ZNF385D: variants seen among roughly 807,000 people sequenced by gnomAD.
ZNF385D encodes zinc finger protein 385D.
ZNF385D carries 15 observed loss-of-function variants against 35.8 expected under a neutral mutation model. The ratio of observed to expected loss-of-function variants is 0.42; its 90% confidence interval spans 0.28 to 0.64. ZNF385D has a LOEUF of 0.64. Ranked by LOEUF, ZNF385D falls within the 30% of genes least tolerant of loss-of-function variation. ZNF385D has a pLI of 0.23. For missense variants in ZNF385D, 474 were observed against 494.6 expected, an observed-to-expected ratio of 0.96 and a Z score of 0.39; for synonymous variants, 212 against 186.8, an observed-to-expected ratio of 1.13 and a Z score of -1.10.
chr3:21,708,526 C>A (rs997750090), intron 1 of ZNF385D, among the ~76,000 whole-genome samples: 2 of 152,110 alleles, frequency 1.3e-5, no homozygotes, highest in African/African-American at 2.4e-5. Flanking sequence ...TTCTCCTGAC[C>A]CATGGACATT....
intron 3 of ZNF385D, among the ~76,000 whole-genome samples, chr3:21,983,167 A>AT (rs370511511): frequency 0.2 from 21,524 of 105,924 alleles, 1,730 homozygotes; most frequent in African/African-American, 0.29. Flanking sequence ...TTATTTTATT[A>AT]TTTTTTTTTA....
intron 3 of ZNF385D, among the ~76,000 whole-genome samples, chr3:22,015,634 T>A (rs988228621): frequency 2.6e-5 from 4 of 152,126 alleles, no homozygotes; most frequent in Non-Finnish European, 5.9e-5. Flanking sequence ...AACACAAACA[T>A]CATCATTTCT....
intron 2 of ZNF385D, among the ~76,000 whole-genome samples, chr3:21,649,384 C>G (rs567455642): frequency 6.6e-5 from 10 of 152,148 alleles, no homozygotes; most frequent in East Asian, 5.8e-4. Context: ...GGGGAGTCAT[C>G]ATAGATTGAT....
intron 3 of ZNF385D, among the ~76,000 whole-genome samples, chr3:22,063,963 G>C (rs929595328): frequency 6.6e-6 from 1 of 152,162 alleles, no homozygotes; most frequent in African/African-American, 2.4e-5. Flanking sequence ...TATTAATCCT[G>C]AGAGCATGCC....
chr3:22,300,259 A>T (rs1421153659), intron 2 of ZNF385D, among the ~76,000 whole-genome samples: 1 of 152,020 alleles, frequency 6.6e-6, no homozygotes, highest in Non-Finnish European at 1.5e-5. Flanking sequence ...TGCATGCAGA[A>T]TGAAATTGGG....
In ZNF385D at chr3:22,291,502, T is replaced by C. The variant is rs1267462461; in HGVS notation, c.106+80948A>G. On this transcript the variant is annotated intron_variant, in intron 2 of 5. Transcript: ENST00000494108. Reference sequence around the variant, plus strand: ...ATATACAAATATAATAGCTTTCCTATATATCTTTTATAATTAAGCATCTTA... The same window carrying C: ...ATATACAAATATAATAGCTTTCCTACATATCTTTTATAATTAAGCATCTTA... Among the ~76,000 whole-genome samples the C allele has an allele frequency of 2.6e-5, 4 of 152,048 alleles. No homozygotes were observed. In the East Asian group the frequency reaches 7.7e-4, roughly 29 times the overall value.
At chr3:21,868,848 T>C (rs1697528005) in intron 3 of ZNF385D, among the ~76,000 whole-genome samples, 1 of 152,132 alleles carries the variant, frequency 6.6e-6, no homozygotes, top group Non-Finnish European at 1.5e-5. Flanking sequence ...TATTGCATTG[T>C]GGACATGTTA....
intron 2 of ZNF385D, among the ~76,000 whole-genome samples, chr3:21,592,975 A>T (rs144241672): frequency 2.3e-4 from 35 of 152,304 alleles, no homozygotes; most frequent in Admixed American, 6.5e-4. Flanking sequence ...CTGCACAGCA[A>T]GCTTCTGACC....
At position 22,236,474 on chromosome 3, in the gene ZNF385D, G is replaced by A. The variant is rs146524871; in HGVS notation, c.107-67439C>T. ...AGCCTCCCAAGTCATCGAGATTACA[G>A]GCATAAGTTACCACATGCATGAATT... On this transcript the variant is annotated intron_variant, in intron 2 of 5. Coordinates refer to the ZNF385D transcript ENST00000494108. 2.6e-3 allele frequency among the ~76,000 whole-genome samples: 397 copies of A among 152,200 alleles called. 1 individual carries two copies. The highest frequency in any genetic ancestry group is 9.3e-3 in the African/African-American group (388 of 41,538).
chr3:22,237,670 G>C (rs1238983008), intron 2 of ZNF385D, among the ~76,000 whole-genome samples: 1 of 151,984 alleles, frequency 6.6e-6, no homozygotes, highest in Non-Finnish European at 1.5e-5. Flanking sequence ...TTGAGATGGG[G>C]TCTCGCTCTG....
chr3:22,173,711 A>T (rs1432549118), intron 2 of ZNF385D, among the ~76,000 whole-genome samples: 1 of 152,084 alleles, frequency 6.6e-6, no homozygotes, highest in Admixed American at 6.6e-5. Context: ...CTTTATCTCA[A>T]ATTTGCCTGA....
chr3:22,315,127 C>T (rs1424798257), intron 2 of ZNF385D, among the ~76,000 whole-genome samples: 2 of 151,972 alleles, frequency 1.3e-5, no homozygotes, highest in Non-Finnish European at 2.9e-5. Flanking sequence ...GGGGTACAGC[C>T]AGAGACAAAG....
chr3:22,368,643 C>T (rs539380165), intron 2 of ZNF385D, among the ~76,000 whole-genome samples: 1 of 152,284 alleles, frequency 6.6e-6, no homozygotes, highest in Non-Finnish European at 1.5e-5. Context: ...CTTCTTGCTG[C>T]ATCTTCACAT....
At position 21,420,687 on chromosome 3, in the gene ZNF385D, A is replaced by G. The variant is rs1248703213; in HGVS notation, c.*527T>C. 7 of 153,388 alleles carry G rather than the reference A, an allele frequency of 4.6e-5. No individual in the cohort carries two copies. The highest frequency in any genetic ancestry group is 1.7e-4 in the African/African-American group (7 of 41,460). The allele number at this position is 153,388 out of a possible 1,614,324, so 9.5% of individuals were successfully genotyped here. A position where few individuals can be genotyped will look rare whatever the true frequency, so the allele number is the denominator to read the frequency against. ...TATTGTTTTACAAGACATCTACTGT[A>G]TCTACTTTTGTTGGGATAAATACCC... is the stretch of plus-strand genomic sequence containing the variant. On this transcript the variant is annotated 3_prime_UTR_variant, in exon 8 of 8. Transcript: ENST00000281523.
intron 4 of ZNF385D, among the ~76,000 whole-genome samples, chr3:21,484,377 T>G (rs547292544): frequency 1.5e-4 from 23 of 152,270 alleles, no homozygotes; most frequent in African/African-American, 5.3e-4. Flanking sequence ...CTGTGGGCAT[T>G]TCTGGACACC....
At chr3:22,105,450 G>A (rs561649105) in intron 3 of ZNF385D, among the ~76,000 whole-genome samples, 1 of 152,022 alleles carries the variant, frequency 6.6e-6, no homozygotes, top group African/African-American at 2.4e-5. Flanking sequence ...TATACAGAGA[G>A]AGAAAGAGAG....
At chr3:21,846,980 A>T (rs1352125) in intron 3 of ZNF385D, among the ~76,000 whole-genome samples, 10,686 of 152,116 alleles carry the variant, frequency 0.07, 547 homozygotes, top group East Asian at 0.21. Context: ...AACTAGTCAG[A>T]GGTAAAGTAA....
chr3:22,132,673 T>A (rs1055045829), intron 3 of ZNF385D, among the ~76,000 whole-genome samples: 2 of 152,044 alleles, frequency 1.3e-5, no homozygotes, highest in East Asian at 3.9e-4. Flanking sequence ...GTAATAACAA[T>A]TAATGGTCTT....
At position 22,240,089 on chromosome 3, in the gene ZNF385D, G is replaced by A. The variant is rs549510875; in HGVS notation, c.107-71054C>T. On this transcript the variant is annotated intron_variant, in intron 2 of 5. Coordinates refer to the ZNF385D transcript ENST00000494108. ...TCTCAGCTACTCAGGAGGCTGACGT[G>A]GGAGGATCACCTGAGCCCAGGAGGT... Among the ~76,000 whole-genome samples, 403 of 148,602 alleles carry A rather than the reference G, an allele frequency of 2.7e-3. 21 individuals carry two copies. Among genetic ancestry groups the A allele is most frequent in the African/African-American group, 9.9e-3 (395 of 39,712 alleles).
Sources: gnomAD v4.1 joint callset for allele counts (sites outside exome capture counted in the v4.1 genomes callset) on GRCh38, gnomAD v4.1.1 for gene constraint, MANE v1.5 for transcripts, NCBI Gene and HGNC (gene_info 2026-07-23, HGNC 2026-07-21) for gene names.